HIBADH: variants seen among roughly 807,000 people sequenced by gnomAD.
HIBADH encodes the protein 3-hydroxyisobutyrate dehydrogenase, mitochondrial.
Under a neutral mutation model 36.1 loss-of-function variants are expected in HIBADH, and 25 were observed. The ratio of observed to expected loss-of-function variants is 0.69; its 90% CI spans 0.50 to 0.97. HIBADH has a LOEUF of 0.97. Among genes scored for constraint, HIBADH ranks in the 50% least tolerant of loss-of-function variants. The pLI, the probability that HIBADH is intolerant of heterozygous loss-of-function variation, is 0.00. For missense variants in HIBADH, 421 were observed against 418.0 expected (o/e 1.01, Z -0.06); for synonymous variants, 160 against 149.5 (o/e 1.07, Z -0.51).
At chr7:27,563,231 C>CA (rs1239039450) in intron 4 of HIBADH, among the ~76,000 whole-genome samples, 2 of 152,192 alleles carry the variant, frequency 1.3e-5, no homozygotes, top group African/African-American at 2.4e-5. Flanking sequence ...TTGTGGGTAT[C>CA]AGCAGCATAT....
intron 5 of HIBADH, 70 bp from the exon 6 acceptor site, chr7:27,538,487 G>A: frequency 1.5e-6 from 2 of 1,316,404 alleles, no homozygotes; most frequent in Non-Finnish European, 2.2e-6. Flanking sequence ...GTTTTTCCTT[G>A]CCCAATTCCA....
chr7:27,655,501 A>G (rs926503319), intron 1 of HIBADH, among the ~76,000 whole-genome samples: 2 of 152,224 alleles, frequency 1.3e-5, no homozygotes, highest in Non-Finnish European at 2.9e-5. Context: ...GATGTCAGTT[A>G]TATTATTCTT....
intron 4 of HIBADH, among the ~76,000 whole-genome samples, chr7:27,561,284 A>G (rs182765890): frequency 6.6e-6 from 1 of 152,288 alleles, no homozygotes; most frequent in African/African-American, 2.4e-5. Context: ...TCAGTTTCTT[A>G]AAAGTCCTGC....
In HIBADH at chr7:27,595,346, C is replaced by T. The variant is rs1378048515; in HGVS notation, c.484+34025G>A. On this transcript the variant is annotated intron_variant, in intron 4 of 7. Coordinates refer to ENST00000265395, the MANE Select transcript of HIBADH (RefSeq NM_152740.4). The stretch of plus-strand genomic sequence containing the variant: ...AGCCTGGCCAACATGACAAAACCCC[C>T]GTCTCTATGAAAAGTACAAAAATTA... 3.3e-5 allele frequency among the ~76,000 whole-genome samples: 5 copies of T among 151,970 alleles called. 1 individual carries two copies. The highest frequency in any genetic ancestry group is 9.7e-5 in the African/African-American group (4 of 41,372).
intron 4 of HIBADH, among the ~76,000 whole-genome samples, chr7:27,592,042 T>G (rs1784947978): frequency 6.6e-6 from 1 of 152,224 alleles, no homozygotes; most frequent in Admixed American, 6.5e-5. Context: ...TTCACATTTC[T>G]GTATCTTTGT....
Position 27,649,613 on chromosome 7 carries a change from A to T in HIBADH, c.112T>A (p.Ser38Thr), listed in dbSNP as rs768734276. The T allele has an allele frequency of 6.2e-7, 1 of 1,613,462 alleles. No individual in the cohort carries two copies. Among genetic ancestry groups the T allele is most frequent in the East Asian group, 2.2e-5 (1 of 44,856 alleles). ...CCAATGAATCCAACTGGAGTCTTTG[A>T]AGCCACTGACCTAGAACACACTGAT... ...FAAVCSRSVA[S>T]KTPVGFIGLG... Residue 38 changes from serine (S) to threonine (T), a missense_variant, in exon 2 of 8, where the codon TCA (serine) becomes ACA (threonine). Coordinates refer to ENST00000265395, the MANE Select transcript of HIBADH (RefSeq NM_152740.4).
chr7:27,564,192 C>T (rs1784506786), intron 4 of HIBADH, among the ~76,000 whole-genome samples: 1 of 152,072 alleles, frequency 6.6e-6, no homozygotes, highest in Admixed American at 6.5e-5. Context: ...GCCACCGTGC[C>T]TGGCCGTTAA....
intron 1 of HIBADH, among the ~76,000 whole-genome samples, chr7:27,661,915 T>A (rs945153773): frequency 2.6e-5 from 4 of 152,142 alleles, no homozygotes; most frequent in Non-Finnish European, 4.4e-5. Flanking sequence ...GGGCCTCATG[T>A]CCCTCGTGCG....
chr7:27,621,043 C>G (rs894391467), intron 4 of HIBADH, among the ~76,000 whole-genome samples: 1 of 151,656 alleles, frequency 6.6e-6, no homozygotes, highest in African/African-American at 2.4e-5. Flanking sequence ...AAAGATATTC[C>G]ATGCAAACAG....
chr7:27,608,926 A>G (rs1282340482), intron 4 of HIBADH, among the ~76,000 whole-genome samples: 2 of 152,200 alleles, frequency 1.3e-5, no homozygotes. Flanking sequence ...ATGTAAAGAG[A>G]ACACAGGTTC....
chr7:27,649,603 G>A lies in HIBADH; in HGVS notation c.122C>T (p.Pro41Leu), dbSNP rs780641928. 6.2e-7 allele frequency: 1 copy of A among 1,613,364 alleles called. No individual in the cohort carries two copies. Among genetic ancestry groups the A allele is most frequent in the South Asian group, 1.1e-5 (1 of 90,974 alleles). ...GTTGCCCAGTCCAATGAATCCAACT[G>A]GAGTCTTTGAAGCCACTGACCTAGA... ...VCSRSVASKT[P>L]VGFIGLGNMG... The change falls in exon 2 of 8, where the codon CCA (proline) becomes CTA (leucine). Residue 41 changes from proline (P) to leucine (L), a missense_variant. Physicochemically the swap from Pro to Leu is moderately conservative, Grantham distance 98. Coordinates refer to ENST00000265395, the MANE Select transcript of HIBADH (RefSeq NM_152740.4).
At chr7:27,602,699 T>A (rs6947004) in intron 4 of HIBADH, among the ~76,000 whole-genome samples, 39,886 of 151,746 alleles carry the variant, frequency 0.26, 5,469 homozygotes, top group East Asian at 0.53. Context: ...TTAAAAAAAA[T>A]TTTTTTAAAC....
intron 4 of HIBADH, among the ~76,000 whole-genome samples, chr7:27,558,982 T>G (rs1007597914): frequency 6.6e-6 from 1 of 152,174 alleles, no homozygotes; most frequent in Admixed American, 6.5e-5. Context: ...ATTTACTGTC[T>G]GACAGTCCTG....
At chr7:27,567,531 T>C (rs991371336) in intron 4 of HIBADH, among the ~76,000 whole-genome samples, 8 of 152,138 alleles carry the variant, frequency 5.3e-5, no homozygotes, top group Non-Finnish European at 1.0e-4. Flanking sequence ...TTTCTGCTTG[T>C]CCACTATGTT....
At chr7:27,588,058 T>G (rs1267883732) in intron 4 of HIBADH, among the ~76,000 whole-genome samples, 2 of 152,180 alleles carry the variant, frequency 1.3e-5, no homozygotes, top group Non-Finnish European at 2.9e-5. Flanking sequence ...TGGACATCAG[T>G]CCCCAAGAAA....
chr7:27,657,844 C>CA (rs1257439483), intron 1 of HIBADH, among the ~76,000 whole-genome samples: 6 of 152,118 alleles, frequency 3.9e-5, no homozygotes, highest in Admixed American at 2.0e-4. Context: ...CTCTAGACAA[C>CA]ATTTGATCAA....
rs3072889 is a variant in HIBADH, at chr7:27,599,680, C to CAAAAAA, written c.484+29685_484+29690dup. Among the ~76,000 whole-genome samples the CAAAAAA allele has an allele frequency of 1.0e-3, 42 of 41,066 alleles. 4 individuals are homozygous for CAAAAAA. Among genetic ancestry groups the CAAAAAA allele is most frequent in the African/African-American group, 4.8e-3 (41 of 8,478 alleles). 26.9% of individuals were successfully genotyped at this position (41,066 alleles called of 152,430 possible). A position where few individuals can be genotyped will look rare whatever the true frequency, so the allele number is the denominator to read the frequency against. On this transcript the variant is annotated intron_variant, in intron 4 of 7. Coordinates refer to ENST00000265395, the MANE Select transcript of HIBADH (RefSeq NM_152740.4). ...CTGGGTGACAGCGAGACTCTGTCTC[C>CAAAAAA]AAAAAAAAAAAAAAAAAAAAAAAAA...
intron 4 of HIBADH, among the ~76,000 whole-genome samples, chr7:27,605,232 T>C (rs1785198071): frequency 6.6e-6 from 1 of 152,096 alleles, no homozygotes; most frequent in Non-Finnish European, 1.5e-5. Flanking sequence ...TTGTGCTTTT[T>C]ACATTATCAC....
chr7:27,551,619 A>G (rs1464367868), intron 4 of HIBADH, among the ~76,000 whole-genome samples: 1 of 152,142 alleles, frequency 6.6e-6, no homozygotes, highest in Non-Finnish European at 1.5e-5. Context: ...AACTACTCCC[A>G]AGTTACAAAT....
Sources: gnomAD v4.1 joint callset for allele counts (sites outside exome capture counted in the v4.1 genomes callset) on GRCh38, gnomAD v4.1.1 for gene constraint, MANE v1.5 for transcripts, NCBI Gene and HGNC (gene_info 2026-07-23, HGNC 2026-07-21) for gene names.